The following ABR variants were observed in gnomAD, a reference collection of about 807,000 sequenced individuals.
ABR encodes active breakpoint cluster region-related protein.
In ABR, 35 loss-of-function variants were observed where a neutral mutation model predicts 107.2. The ratio of observed to expected loss-of-function variants is 0.33; its 90% CI spans 0.25 to 0.43. The LOEUF is 0.43. ABR is among the 20% of genes least tolerant of loss of function. ABR has a pLI of 1.00. For missense variants in ABR, 815 were observed against 1,115.2 expected (o/e 0.73, Z 3.83); for synonymous variants, 498 against 462.0 (o/e 1.08, Z -1.00).
rs4324191 is a variant in ABR, at chr17:1,202,279, C to T, written c.838+26514G>A. On this transcript the variant is annotated intron_variant, in intron 1 of 22. Coordinates refer to the ABR transcript ENST00000574139. Reference sequence around the variant, plus strand: ...CCGACCTCAGGTGATCCACCCCCTTCGGCCTCCCAAAGTGCTGGGATTACA... The same window carrying T: ...CCGACCTCAGGTGATCCACCCCCTTTGGCCTCCCAAAGTGCTGGGATTACA... Among the ~76,000 whole-genome samples the T allele has an allele frequency of 5.2e-3, 789 of 152,304 alleles. 4 individuals carry two copies. The highest frequency in any genetic ancestry group is 0.018 in the African/African-American group (750 of 41,556).
chr17:1,079,518 G>C (rs2036038546), intron 5 of ABR, 128 bp from the exon 6 acceptor site: 1 of 868,570 alleles, frequency 1.2e-6, no homozygotes, highest in African/African-American at 1.7e-5. Flanking sequence ...GCCGGGTGTG[G>C]CGGCTCACGC....
intron 2 of ABR, among the ~76,000 whole-genome samples, chr17:1,113,292 T>G (rs1567780459): frequency 1.4e-5 from 2 of 142,832 alleles, no homozygotes; most frequent in Non-Finnish European, 3.1e-5. Flanking sequence ...TTTTTTTTTT[T>G]TTTTTTTTTT....
At chr17:1,009,854 G>A (rs2070384001) in intron 20 of ABR, 70 bp from the exon 21 acceptor site, 1 of 1,386,374 alleles carries the variant, frequency 7.2e-7, no homozygotes. Context: ...GTGGTCGTGA[G>A]GCTGTGGGCC....
intron 2 of ABR, among the ~76,000 whole-genome samples, chr17:1,120,431 A>G (rs2039296577): frequency 6.6e-6 from 1 of 151,884 alleles, no homozygotes; most frequent in Non-Finnish European, 1.5e-5. Flanking sequence ...CTGCCACCAC[A>G]CCCAGCTAAT....
intron 3 of ABR, 72 bp downstream of exon 3, chr17:1,100,565 C>G (rs1169374968): frequency 1.4e-6 from 2 of 1,426,784 alleles, no homozygotes. Flanking sequence ...ACTCCAAAAG[C>G]AGCTTCAGAG....
Position 1,050,028 on chromosome 17 carries a change from C to T in ABR, c.1791+22G>A, listed in dbSNP as rs371895983. 51 of 1,606,754 alleles carry T rather than the reference C, an allele frequency of 3.2e-5. No individual in the cohort carries two copies. The highest frequency in any genetic ancestry group is 8.9e-5 in the East Asian group (4 of 44,798). On this transcript the variant is annotated intron_variant, in intron 16 of 22. Transcript: ENST00000302538. This position sits in a 1 kb window ranked among gnomAD's most constrained non-coding sequence, Gnocchi z 4.6. The stretch of plus-strand genomic sequence containing the variant: ...CACCTCCTGGAGGCTCCCTCAGCCT[C>T]GCCCCGGCGCCCTGGCCTCACCTGG...
At chr17:1,083,874 A>T in intron 4 of ABR, 1 of 460,674 alleles carries the variant, frequency 2.2e-6, no homozygotes, top group Non-Finnish European at 4.0e-6. Context: ...AGACCAGGCT[A>T]GGGCCTTTGT....
At chr17:1,152,763 G>A (rs898490464) in intron 1 of ABR, among the ~76,000 whole-genome samples, 1 of 152,036 alleles carries the variant, frequency 6.6e-6, no homozygotes, top group Non-Finnish European at 1.5e-5. Flanking sequence ...GTTATCTTTA[G>A]CAAGATGATG....
chr17:1,100,854 C>A, intron 2 of ABR, 119 bp from the exon 3 acceptor site: 1 of 956,124 alleles, frequency 1.0e-6, no homozygotes, highest in South Asian at 1.4e-5. Context: ...GACGAAGTCT[C>A]GCTCTGTCAC....
At position 1,179,657 on chromosome 17, in the gene ABR, G is replaced by A; in HGVS notation, c.61+10C>T. On this transcript the variant is annotated intron_variant, in intron 1 of 22. Transcript: ENST00000302538. The surrounding 1 kb of genome is among the most constrained non-coding windows in gnomAD (Gnocchi z 4.9). ...GATCCTGGGGTCCCGCCCCCGCCCG[G>A]CACACGTACTGCTGTAGAGGGTGTC... 2 of 1,540,780 alleles carry A rather than the reference G, an allele frequency of 1.3e-6. No individual in the cohort carries two copies. Among genetic ancestry groups the A allele is most frequent in the Non-Finnish European group, 1.7e-6 (2 of 1,142,974 alleles).
Position 1,056,939 on chromosome 17 carries a change from C to T in ABR, c.1486+59G>A, listed in dbSNP as rs576929710. 8.2e-5 allele frequency: 101 copies of T among 1,228,204 alleles called. No homozygotes were observed. The African/African-American group carries it at 1.1e-3, about 13-fold the overall frequency. 76.1% of individuals were successfully genotyped at this position (1,228,204 alleles called of 1,614,324 possible). On this transcript the variant is annotated intron_variant, in intron 13 of 22. Transcript: ENST00000302538. Reference sequence around the variant, plus strand: ...GTCTGTCTGAGTCCTTACGGGAAGCCGGCCACGCTCTGAGGGCTGGGACCT... The same window carrying T: ...GTCTGTCTGAGTCCTTACGGGAAGCTGGCCACGCTCTGAGGGCTGGGACCT...
chr17:1,228,452 C>G (rs1598161070), intron 1 of ABR, among the ~76,000 whole-genome samples: 1 of 152,296 alleles, frequency 6.6e-6, no homozygotes, highest in South Asian at 2.1e-4. Context: ...GGTGACAGCA[C>G]CCGGTGGCGC....
rs934935964 is a variant in ABR, at chr17:1,150,979, A to G, written c.62-25612T>C. Among the ~76,000 whole-genome samples the G allele has an allele frequency of 1.3e-5, 2 of 152,172 alleles. No individual in the cohort carries two copies. Among genetic ancestry groups the G allele is most frequent in the Non-Finnish European group, 2.9e-5 (2 of 68,028 alleles). ...ACTTGCTGTCATCTTTCTAAAAGGT[A>G]AGAATGGAGGCAGGAGAACATTTGA... On this transcript the variant is annotated intron_variant, in intron 1 of 22. Transcript: ENST00000302538. This position sits in a 1 kb window ranked among gnomAD's most constrained non-coding sequence, Gnocchi z 4.8.
Position 1,078,735 on chromosome 17 carries a change from C to G in ABR, c.700+595G>C, listed in dbSNP as rs934755740. 1.1e-5 allele frequency: 16 copies of G among 1,444,190 alleles called. No individual in the cohort carries two copies. The highest frequency in any genetic ancestry group is 1.5e-5 in the Non-Finnish European group (16 of 1,068,926). 89.5% of individuals were successfully genotyped at this position (1,444,190 alleles called of 1,614,324 possible). On this transcript the variant is annotated intron_variant, in intron 6 of 22. Transcript: ENST00000302538. The surrounding 1 kb of genome is among the most constrained non-coding windows in gnomAD (Gnocchi z 7.5). Reference sequence around the variant, plus strand: ...CTTCCCTGCGGCCCTCTAACCTCCCCGGCCACATCTAAGCCCACTCCAGCC... The same window carrying G: ...CTTCCCTGCGGCCCTCTAACCTCCCGGGCCACATCTAAGCCCACTCCAGCC...
intron 16 of ABR, among the ~76,000 whole-genome samples, chr17:1,049,144 G>C (rs1033456617): frequency 2.6e-5 from 4 of 152,070 alleles, no homozygotes; most frequent in Non-Finnish European, 5.9e-5. Context: ...TGTTTATAGG[G>C]AGCCAAAAGC....
chr17:1,056,844 C>T (rs755056434), intron 13 of ABR, among the ~76,000 whole-genome samples, 154 bp downstream of exon 13: 1 of 152,212 alleles, frequency 6.6e-6, no homozygotes, highest in African/African-American at 2.4e-5. Context: ...GTCACCCCTA[C>T]CCAAGCTGTG....
In ABR at chr17:1,167,736, A is replaced by G. The variant is rs184739067; in HGVS notation, c.61+11931T>C. 2.8e-4 allele frequency among the ~76,000 whole-genome samples: 43 copies of G among 152,378 alleles called. 1 individual carries two copies. The highest frequency in any genetic ancestry group is 9.6e-4 in the African/African-American group (40 of 41,594). ...AGATACTGTTAGCAAAGCAGAGAGG[A>G]CAATGTCTGGCATCCTATCACGGAA... On this transcript the variant is annotated intron_variant, in intron 1 of 22. Coordinates refer to ENST00000302538, the MANE Select transcript of ABR (RefSeq NM_021962.5).
chr17:1,029,807 CGCTG>C (rs1414502741), intron 16 of ABR, among the ~76,000 whole-genome samples: 25 of 93,578 alleles, frequency 2.7e-4, no homozygotes, highest in African/African-American at 7.9e-4. Flanking sequence ...TCCACCACAG[CGCTG>C]ACCCGTGTCC....
intron 10 of ABR, among the ~76,000 whole-genome samples, chr17:1,064,110 CTGT>C (rs1457650162): frequency 1.6e-5 from 2 of 128,858 alleles, no homozygotes; most frequent in African/African-American, 3.1e-5. Context: ...CCTCTAGACA[CTGT>C]TGTTATGTGA....
Sources: gnomAD v4.1 joint callset for allele counts (sites outside exome capture counted in the v4.1 genomes callset) on GRCh38, gnomAD v4.1.1 for gene constraint, Gnocchi (gnomAD v3.1) non-coding constraint, MANE v1.5 for transcripts, NCBI Gene and HGNC (gene_info 2026-07-23, HGNC 2026-07-21) for gene names.